The following SUFU variants were observed in gnomAD, a reference collection of about 807,000 sequenced individuals.
SUFU encodes suppressor of fused homolog.
Under a neutral mutation model 58.9 loss-of-function variants are expected in SUFU, and 7 were observed. That is an observed-to-expected ratio of 0.12 (90% CI 0.07 to 0.22). SUFU has a LOEUF of 0.22. Ranked by LOEUF, SUFU falls within the 10% of genes least tolerant of loss-of-function variation. The pLI is 1.00. For missense variants in SUFU, 451 were observed against 641.3 expected (o/e 0.70, Z 3.20); for synonymous variants, 232 against 254.8 (o/e 0.91, Z 0.85).
chr10:102,561,667 C>CTTTT lies in SUFU; in HGVS notation c.454+11577_454+11580dup, dbSNP rs34738568. On this transcript the variant is annotated intron_variant, in intron 3 of 11. Coordinates refer to ENST00000369902, the MANE Select transcript of SUFU (RefSeq NM_016169.4). ...TTTAGGGTTAGGAAAGACCAGCAAG[C>CTTTT]TTTTTTTTTTTTTTTTTTTGAGATG... Among the ~76,000 whole-genome samples the CTTTT allele has an allele frequency of 4.8e-4, 53 of 110,580 alleles. 1 individual carries two copies. The highest frequency in any genetic ancestry group is 5.4e-4 in the Admixed American group (5 of 9,288). The allele number at this position is 110,580 out of a possible 152,430, so 72.5% of individuals were successfully genotyped here.
In SUFU at chr10:102,504,081, C is replaced by T. The variant is rs1382348440; in HGVS notation, c.-72C>T. Reference sequence around the variant, plus strand: ...GGGGAGTCTCACCCACCGAGTCCGCCCGCTGGCCCGTCAGTGCTCTCCCCG... The same window carrying T: ...GGGGAGTCTCACCCACCGAGTCCGCTCGCTGGCCCGTCAGTGCTCTCCCCG... On this transcript the variant is annotated 5_prime_UTR_variant, in exon 1 of 12. Transcript: ENST00000369902. 2 of 1,483,840 alleles carry T rather than the reference C, an allele frequency of 1.3e-6. No individual in the cohort carries two copies. The highest frequency in any genetic ancestry group is 1.8e-6 in the Non-Finnish European group (2 of 1,122,374). The allele number at this position is 1,483,840 out of a possible 1,614,324, so 91.9% of individuals were successfully genotyped here. A position where few individuals can be genotyped will look rare whatever the true frequency, so the allele number is the denominator to read the frequency against.
rs373840401 is a variant in SUFU, at chr10:102,598,158, C to CT, written c.910+876dup. ...CCTAGTGCAAATATTTGAGCCCTTT[C>CT]TTTTTTTTTTTCTTTGAAACAGGGG... On this transcript the variant is annotated intron_variant, in intron 7 of 11. Transcript: ENST00000369902. 3.4e-3 allele frequency among the ~76,000 whole-genome samples: 495 copies of CT among 147,322 alleles called. 1 individual carries two copies. Among genetic ancestry groups the CT allele is most frequent in the Non-Finnish European group, 5.4e-3 (357 of 66,414 alleles).
At chr10:102,529,862 T>C (rs1349012960) in intron 2 of SUFU, among the ~76,000 whole-genome samples, 1 of 150,654 alleles carries the variant, frequency 6.6e-6, no homozygotes, top group African/African-American at 2.5e-5. Context: ...GGAGAATCGC[T>C]TGAACCCGGG....
intron 5 of SUFU, 108 bp downstream of exon 5, chr10:102,593,829 GT>G: frequency 7.2e-7 from 1 of 1,394,486 alleles, no homozygotes; most frequent in Non-Finnish European, 1.0e-6. Context: ...TCAGACCCTG[GT>G]TTTTCACATC....
At chr10:102,606,176 A>C (rs769930173) in intron 8 of SUFU, among the ~76,000 whole-genome samples, 4 of 152,234 alleles carry the variant, frequency 2.6e-5, no homozygotes, top group Non-Finnish European at 4.4e-5. Context: ...AGAAATCAGG[A>C]ATCTACCTTG....
chr10:102,578,194 G>C (rs2063233918), intron 3 of SUFU, among the ~76,000 whole-genome samples: 1 of 149,824 alleles, frequency 6.7e-6, no homozygotes, highest in Non-Finnish European at 1.5e-5. Flanking sequence ...TGTAATCCCA[G>C]CTACTCGGGA....
At chr10:102,573,223 C>T (rs1029758991) in intron 3 of SUFU, 14 of 717,902 alleles carry the variant, frequency 2.0e-5, no homozygotes, top group Admixed American at 7.9e-5. Context: ...CTTTCGGCAC[C>T]GTCTTGTGAA....
chr10:102,512,024 C>A (rs911147178), intron 2 of SUFU, among the ~76,000 whole-genome samples: 1 of 152,104 alleles, frequency 6.6e-6, no homozygotes, highest in African/African-American at 2.4e-5. Context: ...AGAGTTTGAG[C>A]TTTTAACCAC....
chr10:102,587,584 C>T (rs187172604), intron 3 of SUFU, among the ~76,000 whole-genome samples: 2,415 of 152,198 alleles, frequency 0.016, 26 homozygotes, highest in South Asian at 0.054. Context: ...CTCCTCCTCC[C>T]GGGTTCAAGC....
chr10:102,578,921 G>A (rs553829314), intron 3 of SUFU, among the ~76,000 whole-genome samples: 17 of 152,106 alleles, frequency 1.1e-4, no homozygotes, highest in African/African-American at 3.6e-4. Flanking sequence ...TGCCTTGTGT[G>A]TAGGTGGCAG....
chr10:102,544,885 TCTGG>T (rs910478163), intron 2 of SUFU, among the ~76,000 whole-genome samples: 5 of 152,340 alleles, frequency 3.3e-5, no homozygotes, highest in South Asian at 4.1e-4. Context: ...GTCTTTTGTA[TCTGG>T]CTTCTTTCAC....
rs986182389 is a variant in SUFU, at chr10:102,548,176, GAGAT to G, written c.318-1790_318-1787del. Among the ~76,000 whole-genome samples the G allele has an allele frequency of 6.0e-5, 9 of 149,436 alleles. No individual in the cohort carries two copies. The South Asian group carries it at 8.3e-4, about 14-fold the overall frequency. On this transcript the variant is annotated intron_variant, in intron 2 of 11. Transcript: ENST00000369902. Reference sequence around the variant, plus strand: ...CTCAAAAAAATACATAGATGATAGAGAGATAGAGAGATAGATAGATAGATACATA... The same window carrying G: ...CTCAAAAAAATACATAGATGATAGAGAGAGAGATAGATAGATAGATACATA...
chr10:102,537,533 C>T (rs1590004603), intron 2 of SUFU, among the ~76,000 whole-genome samples: 1 of 152,196 alleles, frequency 6.6e-6, no homozygotes, highest in East Asian at 1.9e-4. Context: ...CAGAAACACT[C>T]TGTACCCCTT....
intron 3 of SUFU, among the ~76,000 whole-genome samples, chr10:102,581,432 G>A (rs1447535912): frequency 6.6e-6 from 1 of 152,170 alleles, no homozygotes; most frequent in Admixed American, 6.6e-5. Flanking sequence ...GGGGAGTCAT[G>A]AAGCTCCCAG....
At chr10:102,518,376 C>G (rs1003058659) in intron 2 of SUFU, among the ~76,000 whole-genome samples, 3 of 152,062 alleles carry the variant, frequency 2.0e-5, no homozygotes, top group Non-Finnish European at 4.4e-5. Flanking sequence ...GAATTCTATT[C>G]AGAATTATGC....
chr10:102,568,893 AAAAAATATATAT>A (rs1370062906), intron 3 of SUFU, among the ~76,000 whole-genome samples: 5 of 33,440 alleles, frequency 1.5e-4, no homozygotes, highest in African/African-American at 8.3e-4. Context: ...AAAAAAAAAA[AAAAAATATATAT>A]ATATATATAT....
intron 2 of SUFU, among the ~76,000 whole-genome samples, chr10:102,517,350 G>A (rs2062484343): frequency 6.6e-6 from 1 of 152,000 alleles, no homozygotes; most frequent in Admixed American, 6.5e-5. Flanking sequence ...GGTATTGTAA[G>A]TGACTACCAG....
At chr10:102,566,214 C>T (rs1418024712) in intron 3 of SUFU, among the ~76,000 whole-genome samples, 1 of 152,148 alleles carries the variant, frequency 6.6e-6, no homozygotes, top group Non-Finnish European at 1.5e-5. Flanking sequence ...CATGTAGGAC[C>T]AAAATTGAAC....
intron 2 of SUFU, among the ~76,000 whole-genome samples, chr10:102,517,294 C>A (rs2062483268): frequency 6.6e-6 from 1 of 151,876 alleles, no homozygotes; most frequent in Non-Finnish European, 1.5e-5. Flanking sequence ...TCCAAAAAAA[C>A]AAAACAAAGC....
Sources: gnomAD v4.1 joint callset for allele counts (sites outside exome capture counted in the v4.1 genomes callset) on GRCh38, gnomAD v4.1.1 for gene constraint, MANE v1.5 for transcripts, NCBI Gene and HGNC (gene_info 2026-07-23, HGNC 2026-07-21) for gene names.